Variants in ENTREP2 observed in about 807,000 individuals in gnomAD.
The protein encoded by ENTREP2 is protein ENTREP2.
chr15:29,361,308 T>C, the ENTREP2 span, among the ~76,000 whole-genome samples: 5 of 152,226 alleles, frequency 3.3e-5, no homozygotes, highest in Non-Finnish European at 7.3e-5. Context: ...TGTATTATGC[T>C]ACCCAAGTAC....
the ENTREP2 span, among the ~76,000 whole-genome samples, chr15:29,650,615 A>C: frequency 5.4e-4 from 82 of 152,086 alleles, no homozygotes; most frequent in African/African-American, 1.8e-3. Flanking sequence ...AAACAAAAAA[A>C]AAAAATTCTT....
At chr15:29,472,428 A>AACACACACACACACACACACAC in the ENTREP2 span, among the ~76,000 whole-genome samples, 5 of 140,622 alleles carry the variant, frequency 3.6e-5, no homozygotes, top group Admixed American at 1.4e-4. Flanking sequence ...CACAACACAC[A>AACACACACACACACACACACAC]ACACACACAC....
chr15:29,620,675 C>T, the ENTREP2 span, among the ~76,000 whole-genome samples: 1 of 151,920 alleles, frequency 6.6e-6, no homozygotes, highest in East Asian at 1.9e-4. Context: ...AATGGTTTTG[C>T]TAGGCTCTTT....
At chr15:29,441,850 T>C in the ENTREP2 span, among the ~76,000 whole-genome samples, 2 of 152,294 alleles carry the variant, frequency 1.3e-5, no homozygotes, top group Admixed American at 1.3e-4. Flanking sequence ...GCTCACGCAC[T>C]TTCATAGCTC....
At chr15:29,246,197 G>A in the ENTREP2 span, among the ~76,000 whole-genome samples, 2 of 152,176 alleles carry the variant, frequency 1.3e-5, 1 homozygote, top group South Asian at 4.1e-4. Context: ...TTTGAGACCA[G>A]CCTGGCCAAC....
chr15:29,349,281 A>G, the ENTREP2 span, among the ~76,000 whole-genome samples: 36 of 152,234 alleles, frequency 2.4e-4, no homozygotes, highest in Non-Finnish European at 7.3e-5. Context: ...TTATGTCTAC[A>G]CAACTGCAAA....
chr15:29,619,270 T>G, the ENTREP2 span, among the ~76,000 whole-genome samples: 1 of 152,140 alleles, frequency 6.6e-6, no homozygotes, highest in Non-Finnish European at 1.5e-5. Flanking sequence ...CTGGCGCCTG[T>G]AATCCCAGCT....
chr15:29,355,272 A>AT, the ENTREP2 span, among the ~76,000 whole-genome samples: 1 of 152,040 alleles, frequency 6.6e-6, no homozygotes, highest in African/African-American at 2.4e-5. Flanking sequence ...CCATTACCCA[A>AT]TTTAAATATG....
At chr15:29,239,383 T>G in the ENTREP2 span, among the ~76,000 whole-genome samples, 1 of 152,124 alleles carries the variant, frequency 6.6e-6, no homozygotes, top group Non-Finnish European at 1.5e-5. Flanking sequence ...GGGAAGAGGC[T>G]GAGGTCAAGT....
At chr15:29,196,455 C>T in the ENTREP2 span, 1 of 1,551,724 alleles carries the variant, frequency 6.4e-7, no homozygotes, top group South Asian at 1.2e-5. Context: ...CACAGCGTTG[C>T]AGTTCTCCTG....
chr15:29,361,960 A>G, the ENTREP2 span, among the ~76,000 whole-genome samples: 14 of 152,220 alleles, frequency 9.2e-5, no homozygotes, highest in African/African-American at 3.4e-4. Context: ...GAAATGTATC[A>G]TGGTCTTGGG....
the ENTREP2 span, among the ~76,000 whole-genome samples, chr15:29,327,871 C>G: frequency 6.6e-6 from 1 of 152,158 alleles, no homozygotes; most frequent in African/African-American, 2.4e-5. Flanking sequence ...AAAACAGCCA[C>G]TTAGGAAAAC....
chr15:29,409,313 T>G, the ENTREP2 span, among the ~76,000 whole-genome samples: 1 of 152,134 alleles, frequency 6.6e-6, no homozygotes, highest in South Asian at 2.1e-4. Flanking sequence ...CATATTATAC[T>G]CAGTATCTTT....
the ENTREP2 span, chr15:29,376,813 G>C: frequency 6.6e-6 from 1 of 152,244 alleles, no homozygotes; most frequent in Admixed American, 6.5e-5. Flanking sequence ...TTGTGCTTGG[G>C]AGCCCTGCAG....
chr15:29,224,932 T>C, the ENTREP2 span, among the ~76,000 whole-genome samples: 1 of 152,114 alleles, frequency 6.6e-6, no homozygotes, highest in Admixed American at 6.6e-5. Flanking sequence ...TCCGGAGCCC[T>C]GCCCCGCGGG....
the ENTREP2 span, among the ~76,000 whole-genome samples, chr15:29,673,073 C>T: frequency 6.6e-6 from 1 of 152,100 alleles, no homozygotes; most frequent in Non-Finnish European, 1.5e-5. Flanking sequence ...TAGGGGGTAA[C>T]TTCTGGACGT....
chr15:29,448,266 T>C, the ENTREP2 span, among the ~76,000 whole-genome samples: 1 of 152,160 alleles, frequency 6.6e-6, no homozygotes, highest in Non-Finnish European at 1.5e-5. Context: ...GGAGCCTCAA[T>C]GGGCTCCAGT....
chr15:29,570,930 T>TGCC, the ENTREP2 span, among the ~76,000 whole-genome samples: 28 of 143,128 alleles, frequency 2.0e-4, no homozygotes, highest in South Asian at 8.7e-4. Context: ...CCCGCGCCCA[T>TGCC]GCCGCCGCCG....
chr15:29,541,098 G>A, the ENTREP2 span, among the ~76,000 whole-genome samples: 2 of 152,158 alleles, frequency 1.3e-5, no homozygotes, highest in Non-Finnish European at 2.9e-5. Flanking sequence ...AAACCTCCAG[G>A]TATTCACCGG....
Sources: allele counts gnomAD v4.1 joint callset (sites outside exome capture counted in the v4.1 genomes callset), GRCh38; gene constraint gnomAD v4.1.1; transcripts MANE v1.5; gene names NCBI Gene and HGNC (gene_info 2026-07-23, HGNC 2026-07-21).